The following CNTNAP2 variants were observed in gnomAD, a reference collection of about 807,000 sequenced individuals.
CNTNAP2 encodes contactin associated protein 2, also known as contactin-associated protein-like 2.
A neutral mutation model predicts 155.2 loss-of-function variants in CNTNAP2; 98 were observed. That is an observed-to-expected ratio of 0.63 (90% CI 0.54 to 0.75). CNTNAP2 has a LOEUF of 0.75. Ranked by LOEUF, CNTNAP2 falls within the 30% of genes least tolerant of loss-of-function variation. The pLI is 0.00. For missense variants in CNTNAP2, 1,727 were observed against 1,688.1 expected, an observed-to-expected ratio of 1.02 and a Z score of -0.40; for synonymous variants, 651 against 631.2, an observed-to-expected ratio of 1.03 and a Z score of -0.47.
chr7:146,910,720 A>T (rs1363617056), intron 3 of CNTNAP2, among the ~76,000 whole-genome samples: 1 of 149,934 alleles, frequency 6.7e-6, no homozygotes, highest in Admixed American at 6.6e-5. Flanking sequence ...AAACCTAGGC[A>T]TTACCATTCA....
At chr7:146,668,428 CTGTG>C (rs573459590) in intron 1 of CNTNAP2, among the ~76,000 whole-genome samples, 16,352 of 114,938 alleles carry the variant, frequency 0.14, 1,019 homozygotes, top group Admixed American at 0.23. Context: ...TGTAATTTTC[CTGTG>C]TGTGTGTGTG....
At chr7:146,498,630 A>T (rs1244380830) in intron 1 of CNTNAP2, among the ~76,000 whole-genome samples, 1 of 151,948 alleles carries the variant, frequency 6.6e-6, no homozygotes, top group Non-Finnish European at 1.5e-5. Context: ...TGATTTGTTT[A>T]TATACACTGT....
intron 3 of CNTNAP2, among the ~76,000 whole-genome samples, chr7:146,933,699 G>A (rs1463629122): frequency 1.3e-5 from 2 of 149,456 alleles, no homozygotes; most frequent in Non-Finnish European, 1.5e-5. Context: ...TCTGACAAAG[G>A]GCTAGTATCC....
At chr7:147,883,966 G>T (rs1270128523) in intron 13 of CNTNAP2, among the ~76,000 whole-genome samples, 1 of 152,136 alleles carries the variant, frequency 6.6e-6, no homozygotes, top group East Asian at 1.9e-4. Context: ...ATTAGAGGTG[G>T]ATAAATGCAA....
intron 1 of CNTNAP2, among the ~76,000 whole-genome samples, chr7:146,338,529 G>T (rs918455206): frequency 3.9e-5 from 6 of 152,030 alleles, no homozygotes; most frequent in African/African-American, 1.4e-4. Flanking sequence ...TTTCTGGTGT[G>T]AGGTGAACAG....
intron 1 of CNTNAP2, among the ~76,000 whole-genome samples, chr7:146,475,468 T>C (rs555684559): frequency 7.2e-5 from 11 of 152,166 alleles, no homozygotes; most frequent in Non-Finnish European, 1.6e-4. Flanking sequence ...GAAAAAAATA[T>C]AGAGTGCAGA....
intron 1 of CNTNAP2, among the ~76,000 whole-genome samples, chr7:146,453,948 G>A (rs1354473970): frequency 2.0e-5 from 3 of 151,956 alleles, no homozygotes; most frequent in South Asian, 4.1e-4. Context: ...AGAAGCAGGA[G>A]AAATGTTTGA....
intron 18 of CNTNAP2, among the ~76,000 whole-genome samples, chr7:148,176,775 T>C (rs561450421): frequency 2.6e-4 from 39 of 152,182 alleles, no homozygotes; most frequent in African/African-American, 8.2e-4. Context: ...TGGAGGTAGG[T>C]CCCTTCCAAT....
chr7:146,489,782 G>A (rs1797111656), intron 1 of CNTNAP2, among the ~76,000 whole-genome samples: 1 of 152,046 alleles, frequency 6.6e-6, no homozygotes, highest in Admixed American at 6.6e-5. Flanking sequence ...AGCAGAGAAG[G>A]CACGTGGGGG....
At chr7:146,903,284 A>G (rs1370169690) in intron 3 of CNTNAP2, among the ~76,000 whole-genome samples, 2 of 152,054 alleles carry the variant, frequency 1.3e-5, no homozygotes, top group Non-Finnish European at 2.9e-5. Context: ...AGATATACCC[A>G]TTTTCACAGC....
intron 1 of CNTNAP2, among the ~76,000 whole-genome samples, chr7:146,471,870 A>G (rs996678801): frequency 7.9e-5 from 12 of 152,168 alleles, no homozygotes; most frequent in African/African-American, 2.9e-4. Context: ...TAAGATCCAT[A>G]AATCACTTTT....
rs75663837 is a variant in CNTNAP2, at chr7:146,516,039, A to C, written c.98-258232A>C. ...GCTGAAGTAGATCATCATAATCTTA[A>C]CACCACATTTTTTTTCTATGCATTG... On this transcript the variant is annotated intron_variant, in intron 1 of 23. Coordinates refer to ENST00000361727, the MANE Select transcript of CNTNAP2 (RefSeq NM_014141.6). 3.6e-3 allele frequency among the ~76,000 whole-genome samples: 555 copies of C among 152,142 alleles called. 5 individuals carry two copies. The highest frequency in any genetic ancestry group is 4.9e-3 in the Non-Finnish European group (334 of 67,940).
intron 8 of CNTNAP2, among the ~76,000 whole-genome samples, chr7:147,139,338 GAT>G (rs1801551569): frequency 6.6e-6 from 1 of 152,054 alleles, no homozygotes; most frequent in African/African-American, 2.4e-5. Context: ...ACATAGTAGA[GAT>G]ATATCTAAGT....
intron 2 of CNTNAP2, among the ~76,000 whole-genome samples, chr7:146,809,086 A>G (rs1803019219): frequency 6.6e-6 from 1 of 152,204 alleles, no homozygotes; most frequent in South Asian, 2.1e-4. Context: ...TGTACCCAGA[A>G]GTGTGACTGC....
intron 8 of CNTNAP2, among the ~76,000 whole-genome samples, chr7:147,142,889 T>C (rs1801628374): frequency 6.6e-6 from 1 of 152,130 alleles, no homozygotes; most frequent in African/African-American, 2.4e-5. Flanking sequence ...TGACAAGGAT[T>C]TCCTTCTCTA....
At chr7:146,585,987 A>G (rs1021634853) in intron 1 of CNTNAP2, among the ~76,000 whole-genome samples, 1 of 150,974 alleles carries the variant, frequency 6.6e-6, no homozygotes, top group African/African-American at 2.4e-5. Flanking sequence ...CCTGGGTGAC[A>G]AAGTGAGGCC....
intron 8 of CNTNAP2, among the ~76,000 whole-genome samples, chr7:147,287,533 A>G (rs1227069333): frequency 6.6e-6 from 1 of 152,032 alleles, no homozygotes; most frequent in Admixed American, 6.6e-5. Flanking sequence ...TTGAAAATTT[A>G]GAGTACTCCA....
intron 22 of CNTNAP2, among the ~76,000 whole-genome samples, chr7:148,392,075 T>C (rs992878524): frequency 2.6e-5 from 4 of 152,172 alleles, no homozygotes; most frequent in African/African-American, 9.7e-5. Flanking sequence ...CAGCTAGTTG[T>C]TGTTGTTATT....
intron 15 of CNTNAP2, among the ~76,000 whole-genome samples, chr7:148,014,775 C>A (rs1443969929): frequency 2.6e-5 from 4 of 152,160 alleles, no homozygotes; most frequent in African/African-American, 9.7e-5. Flanking sequence ...GAAAGAAAAG[C>A]TCTGGGTTAA....
Sources: allele counts gnomAD v4.1 joint callset (sites outside exome capture counted in the v4.1 genomes callset), GRCh38; gene constraint gnomAD v4.1.1; transcripts MANE v1.5; gene names NCBI Gene and HGNC (gene_info 2026-07-23, HGNC 2026-07-21).